Variants in RBFOX1 observed in about 807,000 individuals in gnomAD.
The protein encoded by RBFOX1 is RNA binding protein fox-1 homolog 1.
In RBFOX1, 8 loss-of-function variants were observed where a neutral mutation model predicts 57.7. The observed-to-expected ratio is 0.14, with a 90% CI of 0.08 to 0.25. RBFOX1 has a LOEUF of 0.25. RBFOX1 is among the 10% of genes least tolerant of loss of function. The pLI is 1.00. For synonymous variants in RBFOX1, 326 were observed against 222.4 expected (o/e 1.47, Z -4.15); for missense variants, 611 against 548.5 (o/e 1.11, Z -1.14).
chr16:6,481,995 TA>T (rs2095378550), intron 2 of RBFOX1, among the ~76,000 whole-genome samples: 2 of 152,290 alleles, frequency 1.3e-5, no homozygotes, highest in South Asian at 2.1e-4. Flanking sequence ...ATTGGCATGT[TA>T]AAAAAAGACA....
intron 2 of RBFOX1, among the ~76,000 whole-genome samples, chr16:6,523,018 A>G (rs982864884): frequency 6.6e-6 from 1 of 152,198 alleles, no homozygotes; most frequent in African/African-American, 2.4e-5. Flanking sequence ...TGTCCATCCT[A>G]CATAAGAAAA....
At chr16:5,435,873 G>T (rs554407326) in intron 1 of RBFOX1, among the ~76,000 whole-genome samples, 9 of 152,306 alleles carry the variant, frequency 5.9e-5, no homozygotes, top group Non-Finnish European at 5.9e-5. Flanking sequence ...GGTTGTTTCT[G>T]TTATTTTCGA....
chr16:6,326,676 G>T (rs1428114493), intron 2 of RBFOX1, among the ~76,000 whole-genome samples: 1 of 152,102 alleles, frequency 6.6e-6, no homozygotes, highest in East Asian at 1.9e-4. Context: ...ATTTACAGCT[G>T]CTAATGCATT....
chr16:5,918,342 A>T (rs2058752016), intron 4 of RBFOX1, among the ~76,000 whole-genome samples: 1 of 152,118 alleles, frequency 6.6e-6, no homozygotes, highest in African/African-American at 2.4e-5. Flanking sequence ...CTGGTCTCGA[A>T]CTTCTGACCT....
chr16:5,294,130 G>C (rs1031191807), intron 1 of RBFOX1, among the ~76,000 whole-genome samples: 2 of 152,184 alleles, frequency 1.3e-5, no homozygotes, highest in African/African-American at 4.8e-5. Context: ...TCGGGAGGCT[G>C]AGGTAGGAAA....
chr16:5,713,203 G>C (rs1360242351), intron 3 of RBFOX1, among the ~76,000 whole-genome samples: 1 of 152,090 alleles, frequency 6.6e-6, no homozygotes, highest in Non-Finnish European at 1.5e-5. Flanking sequence ...AAGCCATTTG[G>C]GGCTAATTTC....
chr16:6,476,973 C>T (rs570913891), intron 2 of RBFOX1, among the ~76,000 whole-genome samples: 1 of 152,122 alleles, frequency 6.6e-6, no homozygotes, highest in African/African-American at 2.4e-5. Context: ...TCTGCTGATC[C>T]ATAAGAAGAA....
intron 4 of RBFOX1, among the ~76,000 whole-genome samples, chr16:7,270,103 C>G (rs1022139857): frequency 6.6e-6 from 1 of 152,164 alleles, no homozygotes. Flanking sequence ...AATTGAGAAG[C>G]TAATACTTCT....
At chr16:5,768,164 C>T (rs1193804200) in intron 3 of RBFOX1, among the ~76,000 whole-genome samples, 1 of 151,910 alleles carries the variant, frequency 6.6e-6, no homozygotes, top group Non-Finnish European at 1.5e-5. Flanking sequence ...CATGTGTGGC[C>T]GCGTGAGATA....
chr16:7,123,365 ATTTATTT>A (rs2067649428), intron 4 of RBFOX1, among the ~76,000 whole-genome samples: 1 of 151,950 alleles, frequency 6.6e-6, no homozygotes, highest in Non-Finnish European at 1.5e-5. Context: ...TGTTATTATT[ATTTATTT>A]ATTATTTTTT....
At chr16:5,285,260 G>A (rs1447931370) in intron 1 of RBFOX1, among the ~76,000 whole-genome samples, 2 of 152,030 alleles carry the variant, frequency 1.3e-5, no homozygotes, top group African/African-American at 2.4e-5. Flanking sequence ...GTTATCTTTT[G>A]TATTTCTTTC....
intron 3 of RBFOX1, among the ~76,000 whole-genome samples, chr16:5,819,260 A>G (rs2055758948): frequency 6.6e-6 from 1 of 152,202 alleles, no homozygotes; most frequent in Non-Finnish European, 1.5e-5. Flanking sequence ...ACAAAGGATC[A>G]TACGAGCTCT....
chr16:7,001,170 A>C (rs1003369971), intron 3 of RBFOX1, among the ~76,000 whole-genome samples: 7 of 152,148 alleles, frequency 4.6e-5, no homozygotes, highest in Non-Finnish European at 5.9e-5. Flanking sequence ...GTTTGCTTGC[A>C]TATTCCAAAG....
intron 3 of RBFOX1, among the ~76,000 whole-genome samples, chr16:5,831,021 G>C (rs2056249417): frequency 6.6e-6 from 1 of 152,102 alleles, no homozygotes; most frequent in African/African-American, 2.4e-5. Context: ...AATTAACCTT[G>C]CTAATGCGTT....
At chr16:7,635,660 A>AGTTT (rs142827080) in intron 11 of RBFOX1, among the ~76,000 whole-genome samples, 32,535 of 151,922 alleles carry the variant, frequency 0.21, 4,015 homozygotes, top group African/African-American at 0.34. Context: ...AATCATATTT[A>AGTTT]GTTTCACATA....
intron 3 of RBFOX1, among the ~76,000 whole-genome samples, chr16:7,008,011 C>G (rs2093401574): frequency 6.6e-6 from 1 of 152,150 alleles, no homozygotes; most frequent in Non-Finnish European, 1.5e-5. Context: ...TAATGTTGGG[C>G]ATTGTGTCTC....
At chr16:6,664,641 C>G (rs920068977) in intron 3 of RBFOX1, among the ~76,000 whole-genome samples, 2 of 152,076 alleles carry the variant, frequency 1.3e-5, no homozygotes, top group Non-Finnish European at 2.9e-5. Context: ...AGACTGGGGA[C>G]CAGGCAATAG....
intron 4 of RBFOX1, among the ~76,000 whole-genome samples, chr16:7,489,708 G>GTT (rs1004555542): frequency 1.4e-5 from 2 of 143,390 alleles, no homozygotes; most frequent in African/African-American, 2.5e-5. Flanking sequence ...TGTAGAGACC[G>GTT]TTTTTTTTTT....
chr16:7,112,067 A>G (rs1423704270), intron 4 of RBFOX1, among the ~76,000 whole-genome samples: 1 of 152,166 alleles, frequency 6.6e-6, no homozygotes, highest in East Asian at 1.9e-4. Flanking sequence ...TGTGAGAGAG[A>G]TAAATTAATT....
Sources: allele counts gnomAD v4.1 joint callset (sites outside exome capture counted in the v4.1 genomes callset), GRCh38; gene constraint gnomAD v4.1.1; transcripts MANE v1.5; gene names NCBI Gene and HGNC (gene_info 2026-07-23, HGNC 2026-07-21).